Variants in RBM25 observed in about 807,000 individuals in gnomAD.
The protein encoded by RBM25 is RNA-binding protein 25.
In RBM25, 19 loss-of-function variants were observed where a neutral mutation model predicts 120.7. The ratio of observed to expected loss-of-function variants is 0.16; its 90% CI spans 0.11 to 0.23. The LOEUF (loss-of-function observed/expected upper bound fraction) is 0.23, where lower values mean the gene tolerates loss of function less well. Among genes scored for constraint, RBM25 ranks in the 10% least tolerant of loss-of-function variants. The pLI is 1.00. For synonymous variants in RBM25, 390 were observed against 326.7 expected, an observed-to-expected ratio of 1.19 and a Z score of -2.09; for missense variants, 605 against 1,041.5, an observed-to-expected ratio of 0.58 and a Z score of 5.77.
At chr14:73,097,418 C>G (rs1293479391) in intron 7 of RBM25, among the ~76,000 whole-genome samples, 1 of 152,012 alleles carries the variant, frequency 6.6e-6, no homozygotes, top group South Asian at 2.1e-4. Flanking sequence ...CCAGGATGGT[C>G]TCAATCTCGT....
At chr14:73,093,090 A>G (rs996025525) in intron 6 of RBM25, among the ~76,000 whole-genome samples, 2 of 152,214 alleles carry the variant, frequency 1.3e-5, no homozygotes, top group East Asian at 3.8e-4. Flanking sequence ...TATAGGAGAC[A>G]ATATATCTGC....
rs868206037 is a variant in RBM25, at chr14:73,094,831, G to C, written c.544-2084G>C. ...GCGAGGTGTGTGTGTGTGTGTGTGTGTGTGTGTGTGTCTGTGTGTGTGTGT... is the reference window on the plus strand; with the variant it reads ...GCGAGGTGTGTGTGTGTGTGTGTGTCTGTGTGTGTGTCTGTGTGTGTGTGT... On this transcript the variant is annotated intron_variant, in intron 6 of 18. Transcript: ENST00000261973. 2.6e-3 allele frequency among the ~76,000 whole-genome samples: 342 copies of C among 132,648 alleles called. 1 individual carries two copies. Among genetic ancestry groups the C allele is most frequent in the African/African-American group, 8.3e-3 (316 of 38,008 alleles). The allele number at this position is 132,648 out of a possible 152,430, so 87.0% of individuals were successfully genotyped here.
rs1896528192 is a variant in RBM25, at chr14:73,120,878, A to G, written c.*1073A>G. 1 of 152,202 alleles carries G rather than the reference A, an allele frequency of 6.6e-6. No individual in the cohort carries two copies. The allele number at this position is 152,202 out of a possible 1,614,324, so 9.4% of individuals were successfully genotyped here. On this transcript the variant is annotated 3_prime_UTR_variant, in exon 19 of 19. Transcript: ENST00000261973. The stretch of plus-strand genomic sequence containing the variant: ...TAAGTTTACATGTTATTTAAGGATA[A>G]AGGTAAATCATTCAAGGCAGTTACC...
rs1363031211 is a variant in RBM25, at chr14:73,076,504, A to C, written c.156+136A>C. 2.0e-5 allele frequency: 15 copies of C among 741,146 alleles called. No individual in the cohort carries two copies. The Middle Eastern group carries it at 7.5e-4, about 37-fold the overall frequency. 45.9% of individuals were successfully genotyped at this position (741,146 alleles called of 1,614,324 possible). A position where few individuals can be genotyped will look rare whatever the true frequency, so the allele number is the denominator to read the frequency against. On this transcript the variant is annotated intron_variant, in intron 3 of 18. Coordinates refer to ENST00000261973, the MANE Select transcript of RBM25 (RefSeq NM_021239.3). ...CAGAATGACAGCACCCCTGTAGAGC[A>C]TATCATTTATTTGAATAAGTATCAT...
rs375268436 is a variant in RBM25 at position 73,119,905 on chromosome 14, A to AT, written c.*112dup. The AT allele has an allele frequency of 0.14, 128,184 of 930,294 alleles. 2 individuals are homozygous for AT. Among genetic ancestry groups the AT allele is most frequent in the Middle Eastern group, 0.15 (363 of 2,424 alleles). 57.6% of individuals were successfully genotyped at this position (930,294 alleles called of 1,614,324 possible). ...CTTTGAAGACATTGTGAGATCTGTAATTTTTTTTTTTTGTAGAAAATGTGA... is the reference window on the plus strand; with the variant it reads ...CTTTGAAGACATTGTGAGATCTGTAATTTTTTTTTTTTTGTAGAAAATGTGA... On this transcript the variant is annotated 3_prime_UTR_variant, in exon 19 of 19. Transcript: ENST00000261973.
chr14:73,090,657 A>G (rs1448966261), intron 6 of RBM25, among the ~76,000 whole-genome samples: 3 of 152,176 alleles, frequency 2.0e-5, no homozygotes, highest in Admixed American at 2.0e-4. Context: ...TATTGTTTAT[A>G]TATCTCTCTC....
chr14:73,073,995 T>C (rs1895353492), intron 2 of RBM25, among the ~76,000 whole-genome samples: 1 of 152,212 alleles, frequency 6.6e-6, no homozygotes, highest in East Asian at 1.9e-4. Flanking sequence ...ACAAAGTTTT[T>C]TCTTAAAATG....
intron 10 of RBM25, among the ~76,000 whole-genome samples, chr14:73,103,919 C>G (rs898451659): frequency 3.3e-4 from 24 of 71,648 alleles, no homozygotes; most frequent in Non-Finnish European, 5.3e-4. Flanking sequence ...CTCTCTCTCT[C>G]TCTCTCTCTC....
At chr14:73,096,816 T>G in intron 6 of RBM25, 99 bp from the exon 7 acceptor site, 2 of 1,035,902 alleles carry the variant, frequency 1.9e-6, no homozygotes, top group Non-Finnish European at 2.9e-6. Context: ...TACAGAGATG[T>G]TTTTGAGAAA....
chr14:73,094,424 C>CA lies in RBM25; in HGVS notation c.544-2489dup, dbSNP rs200629499. The stretch of plus-strand genomic sequence containing the variant: ...TTTAAATTTTGGTTTACAGTGGAAA[C>CA]AATAATCAATTTAGGGTCTATAAGG... On this transcript the variant is annotated intron_variant, in intron 6 of 18. Transcript: ENST00000261973. 8.4e-3 allele frequency among the ~76,000 whole-genome samples: 1,269 copies of CA among 151,792 alleles called. 19 individuals carry two copies. Among genetic ancestry groups the CA allele is most frequent in the African/African-American group, 0.029 (1,209 of 41,384 alleles).
intron 7 of RBM25, 149 bp downstream of exon 7, chr14:73,097,249 G>A: frequency 1.9e-6 from 1 of 525,708 alleles, no homozygotes; most frequent in South Asian, 4.5e-5. Flanking sequence ...CTCCCAGGCT[G>A]GAATGCAGTG....
At position 73,111,637 on chromosome 14, in the gene RBM25, A is replaced by G; in HGVS notation, c.2127A>G (p.Lys709=). 1 of 1,614,172 alleles carries G rather than the reference A, an allele frequency of 6.2e-7. No homozygotes were observed. The highest frequency in any genetic ancestry group is 1.3e-5 in the African/African-American group (1 of 75,064). Residue 709 remains lysine, a synonymous_variant, in exon 16 of 19, where the codon AAA becomes AAG. Transcript: ENST00000261973. ...EDEDSDDVPR[K]RKLVPLDYGE... is the part of the protein sequence containing the mutation. ...AAGACAGTGATGACGTACCCCGAAA[A>G]AGGAAACTGGTTCCCTTGGATTATG...
At chr14:73,067,367 G>T (rs1895163804) in intron 1 of RBM25, among the ~76,000 whole-genome samples, 1 of 152,044 alleles carries the variant, frequency 6.6e-6, no homozygotes, top group Non-Finnish European at 1.5e-5. Flanking sequence ...GTTAATGTTG[G>T]TTAAATAAAT....
chr14:73,076,183 G>A (rs746964908), intron 2 of RBM25, 136 bp from the exon 3 acceptor site: 33 of 723,872 alleles, frequency 4.6e-5, no homozygotes, highest in Non-Finnish European at 7.3e-5. Context: ...AAATAAGATA[G>A]TATTTATCAG....
chr14:73,067,653 G>C (rs1317370926), intron 1 of RBM25, among the ~76,000 whole-genome samples: 6 of 150,032 alleles, frequency 4.0e-5, no homozygotes, highest in Non-Finnish European at 7.4e-5. Flanking sequence ...GCCCAGGCTG[G>C]AGTGCAGTGG....
rs1017216964 is a variant in RBM25 at position 73,121,686 on chromosome 14, T to G, written c.*1881T>G. On this transcript the variant is annotated 3_prime_UTR_variant, in exon 19 of 19. Transcript: ENST00000261973. ...CACTGTTCTTAAGCATCATATTGTGTTGTTTTTATTTAGCCACTATTAACA... is the reference window on the plus strand; with the variant it reads ...CACTGTTCTTAAGCATCATATTGTGGTGTTTTTATTTAGCCACTATTAACA... 2.0e-5 allele frequency: 3 copies of G among 152,246 alleles called. No individual in the cohort carries two copies. Among genetic ancestry groups the G allele is most frequent in the Non-Finnish European group, 2.9e-5 (2 of 68,044 alleles). The allele number at this position is 152,246 out of a possible 1,614,324, so 9.4% of individuals were successfully genotyped here. A position where few individuals can be genotyped will look rare whatever the true frequency, so the allele number is the denominator to read the frequency against.
chr14:73,084,616 G>A (rs530125029), intron 5 of RBM25, among the ~76,000 whole-genome samples: 31 of 151,300 alleles, frequency 2.0e-4, no homozygotes, highest in African/African-American at 6.1e-4. Flanking sequence ...GCAGTGGTGC[G>A]ATCTTGGCTC....
In RBM25 at chr14:73,064,425, C is replaced by T. The variant is rs527364653; in HGVS notation, c.-16+5720C>T. Among the ~76,000 whole-genome samples the T allele has an allele frequency of 1.3e-3, 199 of 151,346 alleles. 2 individuals carry two copies. The highest frequency in any genetic ancestry group is 4.5e-3 in the African/African-American group (185 of 41,444). ...TTATTTTTGTTTTGAAATGGAGTCT[C>T]GCTCTGTCACCCAGGTTGGAGTGCA... On this transcript the variant is annotated intron_variant, in intron 1 of 18. Transcript: ENST00000261973.
intron 1 of RBM25, among the ~76,000 whole-genome samples, chr14:73,060,482 A>G (rs1035911190): frequency 6.6e-6 from 1 of 151,540 alleles, no homozygotes; most frequent in Admixed American, 6.6e-5. Flanking sequence ...GATTTAGTGA[A>G]AATTTACATT....
Sources: gnomAD v4.1 joint callset for allele counts (sites outside exome capture counted in the v4.1 genomes callset) on GRCh38, gnomAD v4.1.1 for gene constraint, MANE v1.5 for transcripts, NCBI Gene and HGNC (gene_info 2026-07-23, HGNC 2026-07-21) for gene names.